Variants in WDR6 observed in about 807,000 individuals in gnomAD.
The protein encoded by WDR6 is WD repeat domain 6.
WDR6 carries 58 observed loss-of-function variants against 85.6 expected under a neutral mutation model. The observed-to-expected ratio is 0.68, with a 90% CI of 0.55 to 0.84. The LOEUF (loss-of-function observed/expected upper bound fraction) is 0.84. WDR6 is among the 40% of genes least tolerant of loss of function. WDR6 has a pLI of 0.00. For missense variants in WDR6, 1,310 were observed against 1,476.4 expected, an observed-to-expected ratio of 0.89 and a Z score of 1.85; for synonymous variants, 569 against 582.2, an observed-to-expected ratio of 0.98 and a Z score of 0.33.
chr3:49,014,667 G>A lies in WDR6; in HGVS notation c.2851G>A (p.Asp951Asn). 1.9e-6 allele frequency: 3 copies of A among 1,613,554 alleles called. No homozygotes were observed. The highest frequency in any genetic ancestry group is 2.5e-6 in the Non-Finnish European group (3 of 1,180,014). The change falls in exon 5 of 6, where the codon GAC (aspartate) becomes AAC (asparagine). Residue 951 changes from aspartate (D) to asparagine (N), a missense_variant. Coordinates refer to ENST00000608424, the MANE Select transcript of WDR6 (RefSeq NM_018031.6). The surrounding 1 kb of genome is among the most constrained non-coding windows in gnomAD (Gnocchi z 4.9). ...TTTCTGGGATCTCACCACCATGCTA[G>A]ACCATGACTCCACTGTCCTGGAGCC... ...LAFWDLTTMLDHDSTVLEPPV... is the reference protein window; with the variant it reads ...LAFWDLTTMLNHDSTVLEPPV...
chr3:49,009,551 C>G (rs1346896057), intron 1 of WDR6, among the ~76,000 whole-genome samples: 2 of 152,076 alleles, frequency 1.3e-5, no homozygotes, highest in African/African-American at 2.4e-5. Flanking sequence ...TGTTTAGCAT[C>G]ATCCCTGGCC....
In WDR6 at chr3:49,007,609, A is replaced by C; in HGVS notation, c.100+78A>C. Reference sequence around the variant, plus strand: ...TCCCAGGGGCGGTGCCACAGGGACAAAAGGGGTGCCCTGAGGAGAAGGACG... The same window carrying C: ...TCCCAGGGGCGGTGCCACAGGGACACAAGGGGTGCCCTGAGGAGAAGGACG... On this transcript the variant is annotated intron_variant, in intron 1 of 5. Transcript: ENST00000608424. This position sits in a 1 kb window ranked among gnomAD's most constrained non-coding sequence, Gnocchi z 5.1. 1 of 1,483,340 alleles carries C rather than the reference A, an allele frequency of 6.7e-7. No individual in the cohort carries two copies. The highest frequency in any genetic ancestry group is 9.0e-7 in the Non-Finnish European group (1 of 1,110,060). The allele number at this position is 1,483,340 out of a possible 1,614,324, so 91.9% of individuals were successfully genotyped here. A position where few individuals can be genotyped will look rare whatever the true frequency, so the allele number is the denominator to read the frequency against.
chr3:49,015,443 G>C lies in WDR6; in HGVS notation c.*155G>C. ...TCGGTGCAGGAGCTGAAGGTGAGTG[G>C]AGTGCTGCCAAGAATATGCCCGACT... On this transcript the variant is annotated 3_prime_UTR_variant, in exon 6 of 6. Transcript: ENST00000608424. 1 of 1,415,942 alleles carries C rather than the reference G, an allele frequency of 7.1e-7. No individual in the cohort carries two copies. Among genetic ancestry groups the C allele is most frequent in the Non-Finnish European group, 9.7e-7 (1 of 1,029,344 alleles). The allele number at this position is 1,415,942 out of a possible 1,614,324, so 87.7% of individuals were successfully genotyped here.
chr3:49,007,493 T>A lies in WDR6; in HGVS notation c.62T>A (p.Val21Glu), dbSNP rs769375332. 1 of 1,610,296 alleles carries A rather than the reference T, an allele frequency of 6.2e-7. No individual in the cohort carries two copies. The highest frequency in any genetic ancestry group is 2.2e-5 in the East Asian group (1 of 44,730). ...ACCTCGGAGCTTATACTCCTCCCAG[T>A]GACGGGTCTGGAGTGCGTGGGGGAC... ...RATSELILLP[V>E]TGLECVGDRL... Residue 21 changes from valine (V) to glutamate (E), a missense_variant, in exon 1 of 6, where the codon GTG becomes GAG. By Grantham distance (121) the Val-to-Glu change is moderately radical (BLOSUM62 -2). Transcript: ENST00000608424. This position sits in a 1 kb window ranked among gnomAD's most constrained non-coding sequence, Gnocchi z 5.1.
Position 49,013,156 on chromosome 3 carries a change from C to T in WDR6, c.1622C>T (p.Pro541Leu), listed in dbSNP as rs1156338939. The T allele has an allele frequency of 8.1e-6, 13 of 1,609,860 alleles. No homozygotes were observed. Among genetic ancestry groups the T allele is most frequent in the Non-Finnish European group, 1.1e-5 (13 of 1,177,202 alleles). Residue 541 changes from proline to leucine, a missense_variant, in exon 2 of 6, where the codon CCT (proline) becomes CTT (leucine). Physicochemically the swap from Pro to Leu is moderately conservative, Grantham distance 98. Transcript: ENST00000608424. This position sits in a 1 kb window ranked among gnomAD's most constrained non-coding sequence, Gnocchi z 4.6. ...AAGGCTCGGGCTGGTGCTGGGGCAC[C>T]TGTAGTGGGTAGTGGTAGTAGTGGG... ...GGKARAGAGA[P>L]VVGSGSSGGG...
rs758931340 is a variant in WDR6, at chr3:49,015,292, A to G, written c.*4A>G. 1 of 1,607,074 alleles carries G rather than the reference A, an allele frequency of 6.2e-7. No homozygotes were observed. The highest frequency in any genetic ancestry group is 1.1e-5 in the South Asian group (1 of 91,072). On this transcript the variant is annotated 3_prime_UTR_variant, in exon 6 of 6. Coordinates refer to ENST00000608424, the MANE Select transcript of WDR6 (RefSeq NM_018031.6). ...GGTTTACAACTGGTATGACTGAGGT[A>G]TCCTGCGGTGGCTGGCGTGCTGGGC...
Position 49,013,737 on chromosome 3 carries a change from G to A in WDR6, c.2203G>A (p.Glu735Lys), listed in dbSNP as rs1215377946. ...MQPDDLEPGS[E>K]GPDLTDIVIT... ...GCCTGATGACCTGGAGCCTGGCAGT[G>A]AGGGGCCCGACTTGACTGACATTGT... Residue 735 changes from glutamate (E) to lysine (K), a missense_variant, in exon 2 of 6, where the codon GAG becomes AAG. Physicochemically the swap from Glu to Lys is moderately conservative, Grantham distance 56 (BLOSUM62 1). Coordinates refer to ENST00000608424, the MANE Select transcript of WDR6 (RefSeq NM_018031.6). The surrounding 1 kb of genome is among the most constrained non-coding windows in gnomAD (Gnocchi z 4.6). 5.6e-6 allele frequency: 9 copies of A among 1,614,078 alleles called. No homozygotes were observed. The highest frequency in any genetic ancestry group is 7.6e-6 in the Non-Finnish European group (9 of 1,179,944).
Position 49,013,179 on chromosome 3 carries a change from G to A in WDR6, c.1645G>A (p.Gly549Arg). ...GAPVVGSGSS[G>R]GGNAFTGLGP... ...ACCTGTAGTGGGTAGTGGTAGTAGT[G>A]GGGGTGGGAATGCTTTCACTGGGTT... Residue 549 changes from glycine to arginine, a missense_variant, in exon 2 of 6, where the codon GGG (glycine) becomes AGG (arginine). Coordinates refer to ENST00000608424, the MANE Select transcript of WDR6 (RefSeq NM_018031.6). This position sits in a 1 kb window ranked among gnomAD's most constrained non-coding sequence, Gnocchi z 4.6. The A allele has an allele frequency of 1.2e-6, 2 of 1,612,324 alleles. No individual in the cohort carries two copies. The highest frequency in any genetic ancestry group is 1.7e-6 in the Non-Finnish European group (2 of 1,178,960).
At position 49,014,032 on chromosome 3, in the gene WDR6, T is replaced by C. The variant is rs369765017; in HGVS notation, c.2498T>C (p.Met833Thr). 1.2e-6 allele frequency: 2 copies of C among 1,612,352 alleles called. No individual in the cohort carries two copies. The highest frequency in any genetic ancestry group is 1.3e-5 in the African/African-American group (1 of 74,904). Residue 833 changes from methionine to threonine, a missense_variant, in exon 2 of 6, where the codon ATG (methionine) becomes ACG (threonine). Physicochemically the swap from Met to Thr is moderately conservative, Grantham distance 81. Transcript: ENST00000608424. The surrounding 1 kb of genome is among the most constrained non-coding windows in gnomAD (Gnocchi z 4.9). ...STPSRLACHV[M>T]HLSSHRLDEY... ...CCAAGCCGCCTCGCCTGCCATGTCA[T>C]GCACCTTTCGTCCCACCGGCTAGAT... is the stretch of plus-strand genomic sequence containing the variant.
Position 49,012,838 on chromosome 3 carries a change from C to T in WDR6, c.1304C>T (p.Pro435Leu), listed in dbSNP as rs542437957. ...PTAAVDQTLFPGKVHSLSWAL... is the reference protein window; with the variant it reads ...PTAAVDQTLFLGKVHSLSWAL... ...GCTGCTGTGGACCAGACCCTGTTTC[C>T]TGGGAAGGTGCACAGCTTGAGCTGG... The change falls in exon 2 of 6, where the codon CCT (proline) becomes CTT (leucine). Residue 435 changes from proline to leucine, a missense_variant. Physicochemically the swap from Pro to Leu is moderately conservative, Grantham distance 98. Coordinates refer to ENST00000608424, the MANE Select transcript of WDR6 (RefSeq NM_018031.6). The surrounding 1 kb of genome is among the most constrained non-coding windows in gnomAD (Gnocchi z 4.4). 4.3e-6 allele frequency: 7 copies of T among 1,613,818 alleles called. No homozygotes were observed. In the East Asian group the frequency reaches 8.9e-5, roughly 21 times the overall value.
chr3:49,011,255 T>G, intron 1 of WDR6: 2 of 397,912 alleles, frequency 5.0e-6, no homozygotes, highest in South Asian at 4.0e-5. Flanking sequence ...TGGCTAATTT[T>G]TTAGTAGAGA....
Position 49,015,876 on chromosome 3 carries a change from G to GAGAC in WDR6, c.*592_*595dup. The GAGAC allele has an allele frequency of 6.2e-7, 1 of 1,614,192 alleles. No individual in the cohort carries two copies. The highest frequency in any genetic ancestry group is 1.3e-5 in the African/African-American group (1 of 75,032). On this transcript the variant is annotated 3_prime_UTR_variant, in exon 6 of 6. Transcript: ENST00000608424. ...GCTGTACCAGGAACTTGCATATCTA[G>GAGAC]AGACAGAGACTGAGTCACTGGCCCA... is the stretch of plus-strand genomic sequence containing the variant.
chr3:49,013,830 G>A lies in WDR6; in HGVS notation c.2296G>A (p.Ala766Thr), dbSNP rs769187217. ...ALPTTTGSAH[A>T]LTAVCNHISS... ...CCCTACAACCACAGGCTCAGCCCAC[G>A]CACTCACAGCTGTTTGTAACCATAT... Residue 766 changes from alanine to threonine, a missense_variant, in exon 2 of 6, where the codon GCA becomes ACA. By Grantham distance (58) the Ala-to-Thr change is moderately conservative. Transcript: ENST00000608424. This position sits in a 1 kb window ranked among gnomAD's most constrained non-coding sequence, Gnocchi z 4.6. 7 of 1,614,054 alleles carry A rather than the reference G, an allele frequency of 4.3e-6. No homozygotes were observed. Among genetic ancestry groups the A allele is most frequent in the South Asian group, 2.2e-5 (2 of 91,086 alleles).
Position 49,012,155 on chromosome 3 carries a change from G to A in WDR6, c.621G>A (p.Gly207=). ...TAGCACCTGACCGACGAATCAGTGG[G>A]CATGTGGGCATCATCTTCAGCATGT... ...KPVAPDRRIS[G]HVGIIFSMSY... is the part of the protein sequence containing the mutation. The change falls in exon 2 of 6, where the codon GGG becomes GGA. Residue 207 remains glycine (G), a synonymous_variant. Coordinates refer to ENST00000608424, the MANE Select transcript of WDR6 (RefSeq NM_018031.6). This position sits in a 1 kb window ranked among gnomAD's most constrained non-coding sequence, Gnocchi z 4.4. 1 of 1,614,228 alleles carries A rather than the reference G, an allele frequency of 6.2e-7. No homozygotes were observed. The highest frequency in any genetic ancestry group is 8.5e-7 in the Non-Finnish European group (1 of 1,180,044).
chr3:49,011,084 C>T (rs1020781488), intron 1 of WDR6: 24 of 443,860 alleles, frequency 5.4e-5, no homozygotes, highest in Non-Finnish European at 9.9e-5. Context: ...AAGCTGAGAC[C>T]AAGGATTTTC....
Position 49,007,451 on chromosome 3 carries a change from A to C in WDR6, c.20A>C (p.Tyr7Ser). The change falls in exon 1 of 6, where the codon TAC becomes TCC. Residue 7 changes from tyrosine to serine, a missense_variant. Tyr to Ser is a moderately radical substitution (Grantham distance 144, BLOSUM62 -2). Transcript: ENST00000608424. This position sits in a 1 kb window ranked among gnomAD's most constrained non-coding sequence, Gnocchi z 5.1. ...ATCGACATGGACGCTCTCGAGGACTACGTTTGGCCGCGGGCAACCTCGGAG... is the reference window on the plus strand; with the variant it reads ...ATCGACATGGACGCTCTCGAGGACTCCGTTTGGCCGCGGGCAACCTCGGAG... MDALED[Y>S]VWPRATSELI... 3.1e-6 allele frequency: 5 copies of C among 1,612,400 alleles called. No homozygotes were observed. The highest frequency in any genetic ancestry group is 4.2e-6 in the Non-Finnish European group (5 of 1,179,230).
chr3:49,014,249 C>T lies in WDR6; in HGVS notation c.2622C>T (p.Gly874=), dbSNP rs768579641. Residue 874 remains glycine (G), a synonymous_variant, in exon 3 of 6, where the codon GGC becomes GGT. Coordinates refer to ENST00000608424, the MANE Select transcript of WDR6 (RefSeq NM_018031.6). The surrounding 1 kb of genome is among the most constrained non-coding windows in gnomAD (Gnocchi z 4.9). The part of the protein sequence containing the change: ...SLAVCELDQP[G]LGPLVAAACS... ...CTGTGTGTGAACTTGACCAGCCCGG[C>T]CTTGGCCCCCTTGTGGCTGCAGCCT... The T allele has an allele frequency of 6.2e-7, 1 of 1,614,028 alleles. No homozygotes were observed. The highest frequency in any genetic ancestry group is 8.5e-7 in the Non-Finnish European group (1 of 1,180,044).
Position 49,011,666 on chromosome 3 carries a change from G to A in WDR6, c.132G>A (p.Leu44=), listed in dbSNP as rs1174618088. The A allele has an allele frequency of 6.2e-7, 1 of 1,614,078 alleles. No homozygotes were observed. Among genetic ancestry groups the A allele is most frequent in the African/African-American group, 1.3e-5 (1 of 74,930 alleles). Residue 44 remains leucine, a synonymous_variant, in exon 2 of 6, where the codon TTG becomes TTA. Transcript: ENST00000608424. ...GEGPDVLVYS[L]DFGGHLRMIK... ...GTCCCGATGTCCTGGTGTACAGCTT[G>A]GACTTTGGTGGGCATCTGCGGATGA...
At position 49,013,838 on chromosome 3, in the gene WDR6, AG is replaced by A; in HGVS notation, c.2305del (p.Ala769LeufsTer30). The A allele has an allele frequency of 1.2e-6, 2 of 1,614,054 alleles. No individual in the cohort carries two copies. The highest frequency in any genetic ancestry group is 4.5e-5 in the East Asian group (2 of 44,876). On this transcript the variant is annotated frameshift_variant, in exon 2 of 6. Coordinates refer to ENST00000608424, the MANE Select transcript of WDR6 (RefSeq NM_018031.6). LOFTEE classifies it high-confidence loss of function. The surrounding 1 kb of genome is among the most constrained non-coding windows in gnomAD (Gnocchi z 4.6). The part of the protein sequence containing the change: ...TTTGSAHALT[A>X]VCNHISSVRA... ...CCACAGGCTCAGCCCACGCACTCAC[AG>A]CTGTTTGTAACCATATCTCCTCGGT...
Sources: allele counts gnomAD v4.1 joint callset (sites outside exome capture counted in the v4.1 genomes callset), GRCh38; gene constraint gnomAD v4.1.1; non-coding constraint Gnocchi (gnomAD v3.1); transcripts MANE v1.5; gene names NCBI Gene and HGNC (gene_info 2026-07-23, HGNC 2026-07-21).